The following BTBD9 variants were observed in gnomAD, a reference collection of about 807,000 sequenced individuals.
BTBD9 encodes BTB domain containing 9, also known as BTB/POZ domain-containing protein 9.
BTBD9 carries 49 observed loss-of-function variants against 64.3 expected under a neutral mutation model. That is an observed-to-expected ratio of 0.76 (90% CI 0.61 to 0.97). The LOEUF is 0.97. BTBD9 is among the 50% of genes least tolerant of loss of function. BTBD9 has a pLI of 0.00. For synonymous variants in BTBD9, 260 were observed against 274.7 expected (o/e 0.95, Z 0.53); for missense variants, 598 against 762.1 (o/e 0.78, Z 2.53).
At chr6:38,465,753 A>ATATG (rs1240229381) in intron 6 of BTBD9, among the ~76,000 whole-genome samples, 805 of 39,340 alleles carry the variant, frequency 0.02, 15 homozygotes, top group African/African-American at 0.034. Flanking sequence ...ATATATATAT[A>ATATG]TATGTATGTA....
intron 6 of BTBD9, among the ~76,000 whole-genome samples, chr6:38,508,721 T>C (rs1772646586): frequency 6.6e-6 from 1 of 152,188 alleles, no homozygotes; most frequent in Non-Finnish European, 1.5e-5. Flanking sequence ...CCCCTCTCAC[T>C]GCTGCTTGCC....
chr6:38,532,248 G>A (rs2127430537), intron 6 of BTBD9, among the ~76,000 whole-genome samples: 2 of 152,336 alleles, frequency 1.3e-5, no homozygotes, highest in East Asian at 3.9e-4. Flanking sequence ...ATTTAGACCA[G>A]TCCTAGCCAG....
At chr6:38,578,663 T>C (rs181317481) in intron 5 of BTBD9, among the ~76,000 whole-genome samples, 1 of 152,330 alleles carries the variant, frequency 6.6e-6, no homozygotes, top group East Asian at 1.9e-4. Flanking sequence ...TTTATTGAAC[T>C]TCTCTGGGTT....
chr6:38,428,992 A>G (rs1768312827), intron 6 of BTBD9, among the ~76,000 whole-genome samples: 1 of 149,858 alleles, frequency 6.7e-6, no homozygotes, highest in South Asian at 2.2e-4. Flanking sequence ...TACAGGCGTG[A>G]GCCACTGCGC....
chr6:38,318,853 G>A (rs1763125800), intron 7 of BTBD9, among the ~76,000 whole-genome samples: 2 of 152,196 alleles, frequency 1.3e-5, no homozygotes, highest in Admixed American at 1.3e-4. Context: ...TTACCTTCAG[G>A]GCAGTGAGTT....
At chr6:38,533,110 T>TA (rs1174910706) in intron 6 of BTBD9, among the ~76,000 whole-genome samples, 2 of 151,658 alleles carry the variant, frequency 1.3e-5, no homozygotes, top group Non-Finnish European at 2.9e-5. Flanking sequence ...TTGAATGGAT[T>TA]AAAAAATAAT....
chr6:38,489,790 T>C (rs992985092), intron 6 of BTBD9, among the ~76,000 whole-genome samples: 1 of 152,224 alleles, frequency 6.6e-6, no homozygotes, highest in African/African-American at 2.4e-5. Context: ...AATTGTCTAT[T>C]CCCAATGTCA....
chr6:38,178,910 G>A (rs1337985681), intron 10 of BTBD9, among the ~76,000 whole-genome samples: 2 of 152,008 alleles, frequency 1.3e-5, no homozygotes, highest in African/African-American at 4.8e-5. Flanking sequence ...TGGGGTGCAG[G>A]GGGGCTATCT....
intron 9 of BTBD9, among the ~76,000 whole-genome samples, chr6:38,249,304 G>C (rs1339535440): frequency 1.3e-5 from 2 of 152,098 alleles, no homozygotes; most frequent in Non-Finnish European, 2.9e-5. Context: ...ACCCAGGCTG[G>C]AGTGCAGTAG....
intron 6 of BTBD9, among the ~76,000 whole-genome samples, chr6:38,493,561 C>T (rs1216615247): frequency 6.6e-6 from 1 of 152,112 alleles, no homozygotes; most frequent in Non-Finnish European, 1.5e-5. Flanking sequence ...TCAATCATTG[C>T]TACATTCATT....
Position 38,519,233 on chromosome 6 carries a change from T to C in BTBD9, c.1154+58367A>G, listed in dbSNP as rs182478480. On this transcript the variant is annotated intron_variant, in intron 6 of 10. Transcript: ENST00000481247. ...GCCATTTTCTTAGATTTTTTAAAAC[T>C]TGGGATCATAAGGGCTCATAAGGAT... is the stretch of plus-strand genomic sequence containing the variant. Among the ~76,000 whole-genome samples, 453 of 152,304 alleles carry C rather than the reference T, an allele frequency of 3.0e-3. 3 individuals carry two copies. Among genetic ancestry groups the C allele is most frequent in the African/African-American group, 0.011 (443 of 41,572 alleles).
intron 7 of BTBD9, among the ~76,000 whole-genome samples, chr6:38,329,664 A>T (rs1389349067): frequency 6.6e-6 from 1 of 151,996 alleles, no homozygotes; most frequent in Non-Finnish European, 1.5e-5. Context: ...CTTCTATAAA[A>T]CATGTACTGG....
At chr6:38,499,993 C>T (rs1772122824) in intron 6 of BTBD9, among the ~76,000 whole-genome samples, 2 of 152,196 alleles carry the variant, frequency 1.3e-5, no homozygotes, top group Admixed American at 6.5e-5. Flanking sequence ...AATTTCTTAA[C>T]TTGCAATAGT....
At chr6:38,521,489 C>T (rs1330179138) in intron 6 of BTBD9, among the ~76,000 whole-genome samples, 5 of 152,146 alleles carry the variant, frequency 3.3e-5, no homozygotes, top group Non-Finnish European at 7.3e-5. Context: ...CTGCATTATA[C>T]TTACTGGTTG....
chr6:38,572,010 A>G (rs1775794747), intron 6 of BTBD9, among the ~76,000 whole-genome samples: 1 of 151,844 alleles, frequency 6.6e-6, no homozygotes, highest in South Asian at 2.1e-4. Flanking sequence ...CCAAAAACAA[A>G]TAAAACAATG....
intron 4 of BTBD9, among the ~76,000 whole-genome samples, chr6:38,589,221 A>G (rs900777302): frequency 6.6e-6 from 1 of 152,172 alleles, no homozygotes; most frequent in Non-Finnish European, 1.5e-5. Context: ...CAACTGGCTA[A>G]GTTCTCCCTT....
Position 38,235,081 on chromosome 6 carries a change from A to C in BTBD9, c.1562+21328T>G, listed in dbSNP as rs574671360. Among the ~76,000 whole-genome samples the C allele has an allele frequency of 1.8e-4, 28 of 152,310 alleles. 1 individual carries two copies. The South Asian group carries it at 5.8e-3, about 32-fold the overall frequency. On this transcript the variant is annotated intron_variant, in intron 9 of 10. Coordinates refer to ENST00000481247, the MANE Select transcript of BTBD9 (RefSeq NM_001099272.2). ...ATAGTGGGTACACAGTAACTGCTAAACCACAGGAGGTTTGCAGCTCTTGTT... is the reference window on the plus strand; with the variant it reads ...ATAGTGGGTACACAGTAACTGCTAACCCACAGGAGGTTTGCAGCTCTTGTT...
intron 9 of BTBD9, among the ~76,000 whole-genome samples, chr6:38,201,927 A>C (rs1343241203): frequency 3.9e-5 from 6 of 152,192 alleles, no homozygotes; most frequent in African/African-American, 1.2e-4. Flanking sequence ...AATACTGATG[A>C]AAGAAACTGA....
At chr6:38,228,031 T>C (rs1763460013) in intron 9 of BTBD9, among the ~76,000 whole-genome samples, 1 of 152,118 alleles carries the variant, frequency 6.6e-6, no homozygotes, top group South Asian at 2.1e-4. Context: ...TAGATGTCAT[T>C]ATACATTTGT....
Sources: gnomAD v4.1 joint callset for allele counts (sites outside exome capture counted in the v4.1 genomes callset) on GRCh38, gnomAD v4.1.1 for gene constraint, MANE v1.5 for transcripts, NCBI Gene and HGNC (gene_info 2026-07-23, HGNC 2026-07-21) for gene names.